ZNF804B: variants seen among roughly 807,000 people sequenced by gnomAD.
ZNF804B encodes the protein zinc finger 804B.
A neutral mutation model predicts 101.4 loss-of-function variants in ZNF804B; 80 were observed. The observed-to-expected ratio is 0.79, with a 90% CI of 0.66 to 0.95. The LOEUF (loss-of-function observed/expected upper bound fraction) is 0.95. Ranked by LOEUF, ZNF804B falls within the 40% of genes least tolerant of loss-of-function variation. The pLI is 0.00. For synonymous variants in ZNF804B, 622 were observed against 558.8 expected, an observed-to-expected ratio of 1.11 and a Z score of -1.59; for missense variants, 1,673 against 1,561.9, an observed-to-expected ratio of 1.07 and a Z score of -1.20.
intron 1 of ZNF804B, among the ~76,000 whole-genome samples, chr7:88,878,240 C>T (rs1322564040): frequency 2.0e-5 from 3 of 152,072 alleles, no homozygotes; most frequent in African/African-American, 7.2e-5. Context: ...TTTGGATCCT[C>T]CTGTCAGAAT....
At chr7:89,173,719 A>G (rs938336641) in intron 1 of ZNF804B, among the ~76,000 whole-genome samples, 5 of 151,898 alleles carry the variant, frequency 3.3e-5, no homozygotes, top group African/African-American at 9.7e-5. Context: ...TCTTCTGTCT[A>G]TCCATCCATT....
At position 89,334,141 on chromosome 7, in the gene ZNF804B, T is replaced by A; in HGVS notation, c.1159T>A (p.Phe387Ile). 6.2e-7 allele frequency: 1 copy of A among 1,613,454 alleles called. No homozygotes were observed. The highest frequency in any genetic ancestry group is 8.5e-7 in the Non-Finnish European group (1 of 1,179,824). Reference sequence around the variant, plus strand: ...CAGGATATCTGAATGCCTGGATGAGTTTTCATCACTGGAGCCAAGTGAACA... The same window carrying A: ...CAGGATATCTGAATGCCTGGATGAGATTTCATCACTGGAGCCAAGTGAACA... ...DARISECLDE[F>I]SSLEPSEQKS... The change falls in exon 4 of 4, where the codon TTT (phenylalanine) becomes ATT (isoleucine). Residue 387 changes from phenylalanine to isoleucine, a missense_variant. By Grantham distance (21) the Phe-to-Ile change is conservative. Coordinates refer to ENST00000333190, the MANE Select transcript of ZNF804B (RefSeq NM_181646.5).
At chr7:89,316,374 C>T (rs1394894678) in intron 2 of ZNF804B, among the ~76,000 whole-genome samples, 3 of 152,026 alleles carry the variant, frequency 2.0e-5, no homozygotes, top group African/African-American at 7.2e-5. Flanking sequence ...AAATGGCAAC[C>T]TATAAATTTT....
At chr7:88,881,841 A>T (rs1203309046) in intron 1 of ZNF804B, among the ~76,000 whole-genome samples, 1 of 152,212 alleles carries the variant, frequency 6.6e-6, no homozygotes, top group Non-Finnish European at 1.5e-5. Flanking sequence ...TGGGAACTGT[A>T]AGTAACATTT....
At chr7:88,806,616 G>T (rs951435642) in intron 1 of ZNF804B, among the ~76,000 whole-genome samples, 1 of 149,004 alleles carries the variant, frequency 6.7e-6, no homozygotes, top group Non-Finnish European at 1.5e-5. Context: ...TCATTTGAGG[G>T]GTGTGTGTGT....
At chr7:89,309,932 A>G (rs906590173) in intron 2 of ZNF804B, among the ~76,000 whole-genome samples, 2 of 151,866 alleles carry the variant, frequency 1.3e-5, no homozygotes, top group African/African-American at 4.8e-5. Flanking sequence ...GACAAAACAC[A>G]TATTTATTTT....
At chr7:89,117,327 T>C (rs770881712) in intron 1 of ZNF804B, among the ~76,000 whole-genome samples, 10 of 152,228 alleles carry the variant, frequency 6.6e-5, no homozygotes, top group Non-Finnish European at 1.3e-4. Context: ...ATGCATCATG[T>C]ATACAGAAAA....
At chr7:88,938,360 T>A (rs1793004036) in intron 1 of ZNF804B, among the ~76,000 whole-genome samples, 4 of 152,100 alleles carry the variant, frequency 2.6e-5, no homozygotes, top group Admixed American at 2.6e-4. Flanking sequence ...AAGAAAAAGA[T>A]CTAGCTATGT....
chr7:89,152,216 TAGTC>T (rs1192064034), intron 1 of ZNF804B, among the ~76,000 whole-genome samples: 1 of 151,782 alleles, frequency 6.6e-6, no homozygotes, highest in Non-Finnish European at 1.5e-5. Flanking sequence ...TCATAGCAAA[TAGTC>T]AAGTAATGTT....
chr7:89,159,766 C>T (rs1202394550), intron 1 of ZNF804B, among the ~76,000 whole-genome samples: 2 of 152,068 alleles, frequency 1.3e-5, no homozygotes, highest in Non-Finnish European at 2.9e-5. Flanking sequence ...AAGAGGAAAA[C>T]ATCAAGGGTA....
intron 2 of ZNF804B, among the ~76,000 whole-genome samples, chr7:89,259,129 G>T (rs561465088): frequency 6.6e-6 from 1 of 152,236 alleles, no homozygotes; most frequent in East Asian, 1.9e-4. Context: ...ATTGTCTAAC[G>T]TCAGTTTTGT....
chr7:88,851,803 T>C (rs922792459), intron 1 of ZNF804B, among the ~76,000 whole-genome samples: 13 of 152,094 alleles, frequency 8.5e-5, no homozygotes, highest in African/African-American at 2.7e-4. Context: ...CATCATGGAA[T>C]TTATAACATA....
intron 2 of ZNF804B, among the ~76,000 whole-genome samples, chr7:89,231,055 T>G (rs1584072050): frequency 2.6e-5 from 4 of 152,190 alleles, no homozygotes; most frequent in Admixed American, 2.6e-4. Context: ...ATTTTTATAT[T>G]TCTCTGAATA....
intron 2 of ZNF804B, among the ~76,000 whole-genome samples, chr7:89,323,124 A>G (rs1262706644): frequency 6.6e-6 from 1 of 152,242 alleles, no homozygotes; most frequent in East Asian, 1.9e-4. Flanking sequence ...ATGTGAGGAT[A>G]TAACAAAAAG....
At chr7:89,320,415 A>G (rs956301198) in intron 2 of ZNF804B, among the ~76,000 whole-genome samples, 2 of 152,116 alleles carry the variant, frequency 1.3e-5, no homozygotes, top group African/African-American at 4.8e-5. Context: ...TGCTGACTAG[A>G]TATAGGAGAG....
chr7:89,224,959 G>A (rs1020928485), intron 2 of ZNF804B, among the ~76,000 whole-genome samples: 1 of 151,924 alleles, frequency 6.6e-6, no homozygotes, highest in South Asian at 2.1e-4. Flanking sequence ...TCTGCATTCT[G>A]GCTCCTTCTG....
chr7:88,955,068 T>A (rs1315050609), intron 1 of ZNF804B, among the ~76,000 whole-genome samples: 1 of 147,668 alleles, frequency 6.8e-6, no homozygotes, highest in Non-Finnish European at 1.5e-5. Flanking sequence ...TAAACCAGCA[T>A]GGGCAATATC....
At chr7:89,248,693 G>A (rs1299294841) in intron 2 of ZNF804B, among the ~76,000 whole-genome samples, 2 of 151,996 alleles carry the variant, frequency 1.3e-5, no homozygotes, top group East Asian at 3.9e-4. Context: ...ATACACTTAA[G>A]TACCTAGCCC....
In ZNF804B at chr7:89,334,530, C is replaced by T. The variant is rs149745798; in HGVS notation, c.1548C>T (p.Val516=). Residue 516 remains valine, a synonymous_variant, in exon 4 of 4, where the codon GTC becomes GTT. Transcript: ENST00000333190. Reference sequence around the variant, plus strand: ...TGAAGACTAAAAGAGAGAGCCAAGTCTCAGGTTTAACTGAAGACCAACAAA... The same window carrying T: ...TGAAGACTAAAAGAGAGAGCCAAGTTTCAGGTTTAACTGAAGACCAACAAA... ...LELKTKRESQ[V]SGLTEDQQKL... The T allele has an allele frequency of 2.5e-6, 4 of 1,613,590 alleles. No homozygotes were observed. The highest frequency in any genetic ancestry group is 2.7e-5 in the African/African-American group (2 of 74,864).
Sources: gnomAD v4.1 joint callset for allele counts (sites outside exome capture counted in the v4.1 genomes callset) on GRCh38, gnomAD v4.1.1 for gene constraint, MANE v1.5 for transcripts, NCBI Gene and HGNC (gene_info 2026-07-23, HGNC 2026-07-21) for gene names.